DPH6: variants seen among roughly 807,000 people sequenced by gnomAD.
DPH6 encodes the protein diphthamine biosynthesis 6, also known as diphthine--ammonia ligase.
A neutral mutation model predicts 38.2 loss-of-function variants in DPH6; 33 were observed. The observed-to-expected ratio is 0.86, with a 90% CI of 0.65 to 1.15. The LOEUF is 1.15. Ranked by LOEUF, DPH6 falls within the 50% of genes most tolerant of loss-of-function variation. The pLI is 0.00. For missense variants in DPH6, 325 were observed against 320.0 expected (o/e 1.02, Z -0.12); for synonymous variants, 108 against 103.0 (o/e 1.05, Z -0.30).
chr15:35,184,803 G>A, the DPH6 span, among the ~76,000 whole-genome samples: 4 of 152,166 alleles, frequency 2.6e-5, no homozygotes, highest in Non-Finnish European at 5.9e-5. Flanking sequence ...CCTAGGACTT[G>A]TTGTGTGTCC....
At chr15:35,145,239 T>A in the DPH6 span, among the ~76,000 whole-genome samples, 135 of 152,330 alleles carry the variant, frequency 8.9e-4, no homozygotes, top group African/African-American at 3.1e-3. Context: ...TTCTTTCTAG[T>A]CTTTTGTGTG....
intron 5 of DPH6, among the ~76,000 whole-genome samples, chr15:35,411,738 T>A (rs1299878186): frequency 6.6e-6 from 1 of 151,758 alleles, no homozygotes; most frequent in Non-Finnish European, 1.5e-5. Flanking sequence ...CAAAAGTTAA[T>A]GTAATGAAAG....
At chr15:35,361,510 CTCT>C (rs967205581) in intron 3 of DPH6, among the ~76,000 whole-genome samples, 9 of 127,692 alleles carry the variant, frequency 7.0e-5, no homozygotes, top group African/African-American at 1.1e-4. Flanking sequence ...TAAATAACCT[CTCT>C]TTTTTTTTTT....
the DPH6 span, among the ~76,000 whole-genome samples, chr15:35,192,049 C>A: frequency 6.6e-6 from 1 of 152,196 alleles, no homozygotes; most frequent in Non-Finnish European, 1.5e-5. Context: ...AGACCAAACC[C>A]TTGGCATTTC....
chr15:35,383,877 C>A (rs1048171747), intron 6 of DPH6, among the ~76,000 whole-genome samples: 2 of 152,172 alleles, frequency 1.3e-5, no homozygotes, highest in African/African-American at 4.8e-5. Context: ...CCTATGCCAG[C>A]CACTTTCTTT....
chr15:35,272,152 A>G (rs1208415017), intron 3 of DPH6, among the ~76,000 whole-genome samples: 1 of 152,212 alleles, frequency 6.6e-6, no homozygotes, highest in Admixed American at 6.5e-5. Context: ...AAAAACACAA[A>G]AAACCAATAG....
intron 3 of DPH6, among the ~76,000 whole-genome samples, chr15:35,242,739 C>T (rs990202296): frequency 1.4e-5 from 2 of 142,930 alleles, no homozygotes; most frequent in East Asian, 2.2e-4. Context: ...CTACAAGGTA[C>T]AGCCCATTTG....
At chr15:35,510,621 C>A (rs985352157) in intron 3 of DPH6, among the ~76,000 whole-genome samples, 1 of 152,140 alleles carries the variant, frequency 6.6e-6, no homozygotes, top group Non-Finnish European at 1.5e-5. Context: ...GGTACTCCAT[C>A]CCTGCTCCCA....
intron 3 of DPH6, among the ~76,000 whole-genome samples, chr15:35,338,924 T>C (rs988344804): frequency 1.3e-5 from 2 of 151,392 alleles, no homozygotes; most frequent in Admixed American, 6.6e-5. Flanking sequence ...CAGCAAACTA[T>C]CACAAGGACA....
chr15:35,274,169 A>G (rs901374945), intron 3 of DPH6, among the ~76,000 whole-genome samples: 11 of 152,248 alleles, frequency 7.2e-5, no homozygotes, highest in Admixed American at 5.2e-4. Flanking sequence ...TTCCTATTTA[A>G]TGAATGGTGC....
chr15:35,439,093 G>A (rs559276879), intron 5 of DPH6, among the ~76,000 whole-genome samples: 1 of 152,224 alleles, frequency 6.6e-6, no homozygotes, highest in Non-Finnish European at 1.5e-5. Flanking sequence ...GGTTTATGAC[G>A]ATCTCACCTC....
the DPH6 span, among the ~76,000 whole-genome samples, chr15:35,210,676 A>C: frequency 6.6e-6 from 1 of 152,126 alleles, no homozygotes; most frequent in African/African-American, 2.4e-5. Context: ...ATAATATCAT[A>C]ATATATGCCC....
At chr15:35,508,894 A>T (rs1431715618) in intron 3 of DPH6, among the ~76,000 whole-genome samples, 2 of 152,186 alleles carry the variant, frequency 1.3e-5, no homozygotes, top group Non-Finnish European at 2.9e-5. Flanking sequence ...TTAAATGGAA[A>T]TATTTTTAAA....
At chr15:35,167,365 T>C in the DPH6 span, among the ~76,000 whole-genome samples, 140 of 151,794 alleles carry the variant, frequency 9.2e-4, no homozygotes, top group Non-Finnish European at 1.8e-3. Flanking sequence ...TTCCACTTTA[T>C]AGAAAAGGAC....
intron 3 of DPH6, chr15:35,489,851 A>G (rs1270987624): frequency 1.0e-6 from 1 of 971,070 alleles, no homozygotes; most frequent in Non-Finnish European, 1.2e-6. Context: ...TATTAATAAG[A>G]GTTACCTGGA....
intron 3 of DPH6, among the ~76,000 whole-genome samples, chr15:35,257,620 T>A (rs2140414771): frequency 6.6e-6 from 1 of 152,260 alleles, no homozygotes; most frequent in East Asian, 1.9e-4. Context: ...AGGTACAAAG[T>A]GCACTGTAGG....
chr15:35,388,033 T>C (rs557622536), intron 6 of DPH6, among the ~76,000 whole-genome samples: 2 of 152,344 alleles, frequency 1.3e-5, no homozygotes, highest in South Asian at 4.1e-4. Flanking sequence ...ATCTAATTTA[T>C]TGAGAGTTTT....
the DPH6 span, among the ~76,000 whole-genome samples, chr15:35,166,981 T>C: frequency 2.0e-5 from 3 of 152,142 alleles, no homozygotes; most frequent in Admixed American, 1.3e-4. Context: ...TTTTCCACTT[T>C]GTAGAAGTAC....
chr15:35,489,459 T>C (rs1453369402), intron 3 of DPH6: 2 of 983,546 alleles, frequency 2.0e-6, no homozygotes, highest in Non-Finnish European at 2.4e-6. Context: ...AATTAATATA[T>C]TACTCAAAGG....
Sources: gnomAD v4.1 joint callset for allele counts (sites outside exome capture counted in the v4.1 genomes callset) on GRCh38, gnomAD v4.1.1 for gene constraint, MANE v1.5 for transcripts, NCBI Gene and HGNC (gene_info 2026-07-23, HGNC 2026-07-21) for gene names.